The following LSM3 variants were observed in gnomAD, a reference collection of about 807,000 sequenced individuals.
The protein encoded by LSM3 is U6 snRNA-associated Sm-like protein LSm3.
Under a neutral mutation model 15.4 loss-of-function variants are expected in LSM3, and 14 were observed. The observed-to-expected ratio is 0.91, with a 90% confidence interval of 0.60 to 1.42. LSM3 has a LOEUF of 1.42. Among genes scored for constraint, LSM3 ranks in the 40% most tolerant of loss-of-function variants. The pLI is 0.00. For synonymous variants in LSM3, 46 were observed against 45.1 expected, an observed-to-expected ratio of 1.02 and a Z score of -0.08; for missense variants, 88 against 127.9, an observed-to-expected ratio of 0.69 and a Z score of 1.50.
chr3:14,196,991 A>T (rs1697192957), intron 3 of LSM3, among the ~76,000 whole-genome samples: 1 of 152,222 alleles, frequency 6.6e-6, no homozygotes, highest in African/African-American at 2.4e-5. Flanking sequence ...TCTGAAATTA[A>T]TGTTGACTAC....
chr3:14,190,859 T>C lies in LSM3; in HGVS notation c.228+6827T>C, dbSNP rs180740361. 3.5e-4 allele frequency among the ~76,000 whole-genome samples: 53 copies of C among 152,336 alleles called. 1 individual carries two copies. In the East Asian group the frequency reaches 7.7e-3, roughly 22 times the overall value. ...GAGTGGTGAGAGGGCATCCCTGTCTTGTGCCGGTTTTCAGAGGGAATGTTT... is the reference window on the plus strand; with the variant it reads ...GAGTGGTGAGAGGGCATCCCTGTCTCGTGCCGGTTTTCAGAGGGAATGTTT... On this transcript the variant is annotated intron_variant, in intron 3 of 3. Transcript: ENST00000306024.
intron 1 of LSM3, among the ~76,000 whole-genome samples, chr3:14,180,857 T>TTTA (rs1559390244): frequency 4.6e-5 from 3 of 64,814 alleles, no homozygotes; most frequent in East Asian, 4.0e-4. Flanking sequence ...TTTTTTTTTT[T>TTTA]AAAAAAAAAA....
chr3:14,185,764 C>T lies in LSM3; in HGVS notation c.228+1732C>T, dbSNP rs138219302. On this transcript the variant is annotated intron_variant, in intron 3 of 3. Transcript: ENST00000306024. ...AAATTCATTAATCTGCCTTGCACCT[C>T]AAATGGATCTCTTACTCATGCATGA... Among the ~76,000 whole-genome samples, 319 of 152,328 alleles carry T rather than the reference C, an allele frequency of 2.1e-3. 2 individuals carry two copies. Among genetic ancestry groups the T allele is most frequent in the African/African-American group, 7.4e-3 (306 of 41,570 alleles).
At chr3:14,183,544 G>A (rs538902603) in intron 2 of LSM3, among the ~76,000 whole-genome samples, 1 of 152,302 alleles carries the variant, frequency 6.6e-6, no homozygotes, top group African/African-American at 2.4e-5. Flanking sequence ...TTTCTTGTCA[G>A]ATTGTTATAG....
chr3:14,180,040 ATT>A (rs1354803528), intron 1 of LSM3, among the ~76,000 whole-genome samples: 4 of 152,112 alleles, frequency 2.6e-5, no homozygotes, highest in Non-Finnish European at 4.4e-5. Context: ...GAGTTAGGTT[ATT>A]TTTTTCTCTC....
chr3:14,178,957 C>G (rs1696973192), intron 1 of LSM3, 76 bp downstream of exon 1: 1 of 1,472,818 alleles, frequency 6.8e-7, no homozygotes, highest in African/African-American at 1.4e-5. Flanking sequence ...GGAAAAATGG[C>G]CAGTCGTGCC....
intron 3 of LSM3, among the ~76,000 whole-genome samples, chr3:14,186,131 G>T (rs1013033280): frequency 1.3e-5 from 2 of 152,126 alleles, no homozygotes; most frequent in African/African-American, 4.8e-5. Flanking sequence ...GGCTGGTCTC[G>T]AACTCCTGGC....
At chr3:14,192,394 C>G (rs895934827) in intron 3 of LSM3, among the ~76,000 whole-genome samples, 1 of 152,086 alleles carries the variant, frequency 6.6e-6, no homozygotes, top group Admixed American at 6.5e-5. Flanking sequence ...TAAAGTCTCC[C>G]GCAATTATTG....
chr3:14,196,755 T>C (rs1697190849), intron 3 of LSM3, among the ~76,000 whole-genome samples: 1 of 152,242 alleles, frequency 6.6e-6, no homozygotes, highest in African/African-American at 2.4e-5. Flanking sequence ...CCGCAGAGCT[T>C]TCAGGGCCAA....
chr3:14,191,803 T>G (rs1023509924), intron 3 of LSM3, among the ~76,000 whole-genome samples: 2 of 152,196 alleles, frequency 1.3e-5, no homozygotes, highest in Non-Finnish European at 2.9e-5. Flanking sequence ...CTGATCTTGG[T>G]TATTTCATGT....
intron 2 of LSM3, among the ~76,000 whole-genome samples, chr3:14,183,386 A>G (rs1697058054): frequency 6.6e-6 from 1 of 152,228 alleles, no homozygotes; most frequent in South Asian, 2.1e-4. Context: ...GGTACTAAAC[A>G]CATTTAAGTT....
rs1462602095 is a variant in LSM3, at chr3:14,200,946, A to G, written c.*2830A>G. On this transcript the variant is annotated 3_prime_UTR_variant, in exon 4 of 4. Transcript: ENST00000306024. ...CAGGAGTTCGAGATCAGCCTGAGCA[A>G]CATAACAAGACCCTGTCTCAAATAA... is the stretch of plus-strand genomic sequence containing the variant. 6.6e-6 allele frequency: 1 copy of G among 152,216 alleles called. No individual in the cohort carries two copies. The highest frequency in any genetic ancestry group is 1.5e-5 in the Non-Finnish European group (1 of 68,054). 9.4% of individuals were successfully genotyped at this position (152,216 alleles called of 1,614,324 possible). A position where few individuals can be genotyped will look rare whatever the true frequency, so the allele number is the denominator to read the frequency against.
At chr3:14,190,133 C>T (rs1697125625) in intron 3 of LSM3, among the ~76,000 whole-genome samples, 1 of 152,118 alleles carries the variant, frequency 6.6e-6, no homozygotes, top group South Asian at 2.1e-4. Context: ...TTTCTGAGGC[C>T]TCCATTTTGT....
intron 2 of LSM3, among the ~76,000 whole-genome samples, chr3:14,181,995 C>T (rs1697043602): frequency 6.6e-6 from 1 of 152,050 alleles, no homozygotes; most frequent in Non-Finnish European, 1.5e-5. Context: ...AAAAGTTAAA[C>T]AGCACAAAAA....
chr3:14,194,747 T>A (rs1202211400), intron 3 of LSM3, among the ~76,000 whole-genome samples: 1 of 149,210 alleles, frequency 6.7e-6, no homozygotes, highest in Non-Finnish European at 1.5e-5. Flanking sequence ...AATTTAATAC[T>A]TTTCTCTGAT....
intron 3 of LSM3, among the ~76,000 whole-genome samples, chr3:14,197,243 T>G (rs2733551): frequency 0.41 from 61,702 of 152,168 alleles, 13,257 homozygotes; most frequent in Non-Finnish European, 0.47. Context: ...TTTCTGTTTC[T>G]TCTACTGCCC....
intron 3 of LSM3, among the ~76,000 whole-genome samples, chr3:14,189,133 C>T (rs1697116549): frequency 6.6e-6 from 1 of 152,154 alleles, no homozygotes; most frequent in Non-Finnish European, 1.5e-5. Context: ...GACATGAACT[C>T]CTCCTTTTTT....
At chr3:14,187,976 C>T (rs1697104381) in intron 3 of LSM3, among the ~76,000 whole-genome samples, 1 of 152,220 alleles carries the variant, frequency 6.6e-6, no homozygotes, top group South Asian at 2.1e-4. Flanking sequence ...CGTAGTTTGG[C>T]TCACCAGACA....
intron 3 of LSM3, among the ~76,000 whole-genome samples, chr3:14,187,163 G>C (rs550061676): frequency 6.6e-6 from 1 of 152,186 alleles, no homozygotes; most frequent in Admixed American, 6.5e-5. Context: ...CTCCAAGTGC[G>C]GTTCCTCCTG....
Sources: gnomAD v4.1 joint callset for allele counts (sites outside exome capture counted in the v4.1 genomes callset) on GRCh38, gnomAD v4.1.1 for gene constraint, MANE v1.5 for transcripts, NCBI Gene and HGNC (gene_info 2026-07-23, HGNC 2026-07-21) for gene names.